The following REDIC1 variants were observed in gnomAD, a reference collection of about 807,000 sequenced individuals.
The protein encoded by REDIC1 is regulator of DNA class I crossover intermediates 1.
chr12:39,790,474 G>T, the REDIC1 span, among the ~76,000 whole-genome samples: 3,218 of 149,468 alleles, frequency 0.022, 117 homozygotes, highest in African/African-American at 0.075. Flanking sequence ...GCGGTGTTTG[G>T]TTTTTTGTTC....
chr12:39,683,536 A>G, the REDIC1 span: 1 of 1,363,312 alleles, frequency 7.3e-7, no homozygotes, highest in Non-Finnish European at 1.0e-6. Context: ...AGTATGATGC[A>G]TGATGAATGT....
the REDIC1 span, among the ~76,000 whole-genome samples, chr12:39,671,860 A>G: frequency 6.6e-6 from 1 of 152,058 alleles, no homozygotes; most frequent in African/African-American, 2.4e-5. Flanking sequence ...CACTGGTGGC[A>G]GGTTTTCTGG....
the REDIC1 span, among the ~76,000 whole-genome samples, chr12:39,707,258 A>T: frequency 6.6e-6 from 1 of 151,976 alleles, no homozygotes; most frequent in East Asian, 1.9e-4. Context: ...ATATGAAAGG[A>T]TGCTCAACAT....
chr12:39,687,275 G>C, the REDIC1 span, among the ~76,000 whole-genome samples: 22 of 152,086 alleles, frequency 1.4e-4, no homozygotes, highest in Non-Finnish European at 1.6e-4. Context: ...GTATTAGTCT[G>C]TTCTCACATT....
the REDIC1 span, chr12:39,802,279 T>A: frequency 2.6e-5 from 4 of 152,182 alleles, no homozygotes; most frequent in Admixed American, 2.0e-4. Flanking sequence ...TTATGTAGCC[T>A]GTCATTCAGG....
the REDIC1 span, among the ~76,000 whole-genome samples, chr12:39,812,500 G>A: frequency 6.7e-6 from 1 of 148,168 alleles, no homozygotes; most frequent in East Asian, 2.0e-4. Flanking sequence ...TGAGATAGAT[G>A]CTTGCTCTGT....
the REDIC1 span, among the ~76,000 whole-genome samples, chr12:39,750,031 C>G: frequency 6.6e-6 from 1 of 152,168 alleles, no homozygotes; most frequent in Non-Finnish European, 1.5e-5. Context: ...CCTCTCTCAC[C>G]ACTCCCATTC....
At chr12:39,765,624 C>G in the REDIC1 span, among the ~76,000 whole-genome samples, 1 of 152,098 alleles carries the variant, frequency 6.6e-6, no homozygotes, top group African/African-American at 2.4e-5. Flanking sequence ...ATGAACTCAT[C>G]ATAACATTCC....
At chr12:39,756,356 G>T in the REDIC1 span, 3 of 151,824 alleles carry the variant, frequency 2.0e-5, no homozygotes, top group African/African-American at 2.4e-5. Context: ...TTAAAAACTT[G>T]TCACAACAAG....
the REDIC1 span, among the ~76,000 whole-genome samples, chr12:39,839,374 T>C: frequency 1.4e-3 from 212 of 151,968 alleles, no homozygotes; most frequent in South Asian, 8.3e-3. Flanking sequence ...TAAAAAAAAA[T>C]CTTAGACACG....
the REDIC1 span, among the ~76,000 whole-genome samples, chr12:39,783,944 G>C: frequency 6.6e-6 from 1 of 152,136 alleles, no homozygotes; most frequent in Admixed American, 6.5e-5. Context: ...GACAAACAGA[G>C]AGCCAAATCA....
the REDIC1 span, among the ~76,000 whole-genome samples, chr12:39,897,407 G>A: frequency 2.0e-5 from 3 of 152,122 alleles, no homozygotes; most frequent in Non-Finnish European, 4.4e-5. Flanking sequence ...CCTACCCCAA[G>A]CATGCAGAAA....
the REDIC1 span, chr12:39,721,302 C>G: frequency 4.1e-6 from 6 of 1,468,046 alleles, no homozygotes; most frequent in Non-Finnish European, 5.6e-6. Flanking sequence ...CCTTAGAAAA[C>G]AACAGTAAAT....
chr12:39,801,498 T>G, the REDIC1 span, among the ~76,000 whole-genome samples: 1 of 152,178 alleles, frequency 6.6e-6, no homozygotes, highest in African/African-American at 2.4e-5. Context: ...CTAATTTCTC[T>G]TGGCACAGAA....
At chr12:39,799,441 C>A in the REDIC1 span, among the ~76,000 whole-genome samples, 1 of 81,794 alleles carries the variant, frequency 1.2e-5, no homozygotes, top group Non-Finnish European at 3.0e-5. Context: ...CCATTAGGAT[C>A]CTCTACACGG....
chr12:39,836,290 T>G, the REDIC1 span, among the ~76,000 whole-genome samples: 1 of 152,088 alleles, frequency 6.6e-6, no homozygotes, highest in Non-Finnish European at 1.5e-5. Flanking sequence ...GCAGATATAT[T>G]AGAAACTCAA....
At chr12:39,703,224 A>T in the REDIC1 span, among the ~76,000 whole-genome samples, 1 of 151,944 alleles carries the variant, frequency 6.6e-6, no homozygotes, top group Non-Finnish European at 1.5e-5. Context: ...CTGATAAGCA[A>T]CTTCAGCAAA....
chr12:39,830,011 A>T, the REDIC1 span: 428 of 1,509,276 alleles, frequency 2.8e-4, 1 homozygote, highest in African/African-American at 5.3e-3. Flanking sequence ...AGTTTAAAAG[A>T]ACTGCTATAA....
At chr12:39,872,276 C>T in the REDIC1 span, among the ~76,000 whole-genome samples, 453 of 152,260 alleles carry the variant, frequency 3.0e-3, 1 homozygote, top group African/African-American at 0.01. Context: ...AACTGTATCA[C>T]TTTAATTGGC....
Sources: allele counts gnomAD v4.1 joint callset (sites outside exome capture counted in the v4.1 genomes callset), GRCh38; gene constraint gnomAD v4.1.1; transcripts MANE v1.5; gene names NCBI Gene and HGNC (gene_info 2026-07-23, HGNC 2026-07-21).